Variants in TTC12 observed in about 807,000 individuals in gnomAD.
TTC12 encodes the protein tetratricopeptide repeat protein 12.
Under a neutral mutation model 90.1 loss-of-function variants are expected in TTC12, and 70 were observed. The ratio of observed to expected loss-of-function variants is 0.78; its 90% CI spans 0.64 to 0.95. The LOEUF is 0.95. Among genes scored for constraint, TTC12 ranks in the 40% least tolerant of loss-of-function variants. TTC12 has a pLI of 0.00. For synonymous variants in TTC12, 296 were observed against 311.5 expected (o/e 0.95, Z 0.53); for missense variants, 819 against 846.1 (o/e 0.97, Z 0.40).
chr11:113,359,077 C>A (rs1949776812), intron 16 of TTC12, among the ~76,000 whole-genome samples: 1 of 151,836 alleles, frequency 6.6e-6, no homozygotes, highest in Non-Finnish European at 1.5e-5. Flanking sequence ...AAGGATTTTT[C>A]TGGTGGAGTT....
At chr11:113,356,187 T>A (rs1167073818) in intron 16 of TTC12, among the ~76,000 whole-genome samples, 1 of 152,242 alleles carries the variant, frequency 6.6e-6, no homozygotes, top group East Asian at 1.9e-4. Flanking sequence ...TTTACCAATA[T>A]GTGTAATCCC....
intron 2 of TTC12, among the ~76,000 whole-genome samples, chr11:113,322,219 A>G (rs1947380768): frequency 6.6e-6 from 1 of 152,224 alleles, no homozygotes; most frequent in African/African-American, 2.4e-5. Flanking sequence ...TAAGAAGTTT[A>G]ATTGTGAAGG....
At chr11:113,333,914 T>A (rs1948203826) in intron 7 of TTC12, among the ~76,000 whole-genome samples, 1 of 152,224 alleles carries the variant, frequency 6.6e-6, no homozygotes, top group Non-Finnish European at 1.5e-5. Flanking sequence ...GCTGCTGATA[T>A]AACTGCAGCA....
At position 113,325,821 on chromosome 11, in the gene TTC12, A is replaced by G. The variant is rs1239124396; in HGVS notation, c.444+176A>G. The G allele has an allele frequency of 8.2e-6, 6 of 734,852 alleles. No homozygotes were observed. The African/African-American group carries it at 8.9e-5, about 11-fold the overall frequency. 45.5% of individuals were successfully genotyped at this position (734,852 alleles called of 1,614,324 possible). On this transcript the variant is annotated intron_variant, in intron 6 of 21. Coordinates refer to ENST00000529221, the MANE Select transcript of TTC12 (RefSeq NM_017868.4). ...AGCATTTACCAGTTTCCATGATGCA[A>G]ATATTCTCACCATGATCTAATTTGG...
chr11:113,373,222 C>T lies in TTC12; in HGVS notation c.*219C>T, dbSNP rs564580108. 5.2e-5 allele frequency: 51 copies of T among 985,338 alleles called. 2 individuals are homozygous for T. In the South Asian group the frequency reaches 1.8e-3, roughly 35 times the overall value. The allele number at this position is 985,338 out of a possible 1,614,324, so 61.0% of individuals were successfully genotyped here. ...CACATGCAACTGTCCCCAACCCATGCGATTCATCCTTTCCCTGAAGGCTTG... is the reference window on the plus strand; with the variant it reads ...CACATGCAACTGTCCCCAACCCATGTGATTCATCCTTTCCCTGAAGGCTTG... On this transcript the variant is annotated 3_prime_UTR_variant, in exon 22 of 22. Coordinates refer to the TTC12 transcript ENST00000314756.
rs760480850 is a variant in TTC12 at position 113,364,915 on chromosome 11, A to C, written c.1897A>C (p.Met633Leu). 2.7e-5 allele frequency: 44 copies of C among 1,614,156 alleles called. 2 individuals carry two copies. The South Asian group carries it at 4.5e-4, about 17-fold the overall frequency. ...CGCTGCCCTCTGCCTTGGTAACTGCATGGAGGTGCCCAACGTTGCGTCTTC... is the reference window on the plus strand; with the variant it reads ...CGCTGCCCTCTGCCTTGGTAACTGCCTGGAGGTGCCCAACGTTGCGTCTTC... The part of the protein sequence containing the change: ...GNAALCLGNC[M>L]EVPNVASSLL... The change falls in exon 21 of 22, where the codon ATG becomes CTG. Residue 633 changes from methionine to leucine, a missense_variant. By Grantham distance (15) the Met-to-Leu change is conservative. Coordinates refer to ENST00000529221, the MANE Select transcript of TTC12 (RefSeq NM_017868.4).
rs112085880 is a variant in TTC12 at position 113,338,894 on chromosome 11, T to C, written c.637+60T>C. 9.7e-4 allele frequency: 1,438 copies of C among 1,485,836 alleles called. 11 individuals carry two copies. The African/African-American group carries it at 0.017, about 18-fold the overall frequency. The allele number at this position is 1,485,836 out of a possible 1,614,324, so 92.0% of individuals were successfully genotyped here. On this transcript the variant is annotated intron_variant, in intron 9 of 21. Coordinates refer to ENST00000529221, the MANE Select transcript of TTC12 (RefSeq NM_017868.4). ...CTCCACCTCCCTCTGCCCCCTGCCT[T>C]AGAATGCCTTCCGTGCTTTCACTGC...
At chr11:113,327,469 T>C (rs782615178) in intron 6 of TTC12, among the ~76,000 whole-genome samples, 22 of 152,190 alleles carry the variant, frequency 1.4e-4, no homozygotes, top group Non-Finnish European at 2.6e-4. Flanking sequence ...TAACCTTTCA[T>C]TGCTTTGTTT....
At chr11:113,322,739 G>C (rs1382558767) in intron 2 of TTC12, among the ~76,000 whole-genome samples, 1 of 152,196 alleles carries the variant, frequency 6.6e-6, no homozygotes, top group Non-Finnish European at 1.5e-5. Context: ...ATTATGTAGA[G>C]CTGGAATTTT....
chr11:113,325,499 AC>A lies in TTC12; in HGVS notation c.323-23del, dbSNP rs138057017. 1,385 of 1,613,060 alleles carry A rather than the reference AC, an allele frequency of 8.6e-4. 10 individuals carry two copies. In the African/African-American group the frequency reaches 0.015, roughly 18 times the overall value. Reference sequence around the variant, plus strand: ...ATTTTCTGATGTGTGGTGAGAGCTCACCTGTGTAACTTATATTCCCATAGCC... The same window carrying A: ...ATTTTCTGATGTGTGGTGAGAGCTCACTGTGTAACTTATATTCCCATAGCC... On this transcript the variant is annotated intron_variant, in intron 5 of 21. Transcript: ENST00000529221.
intron 2 of TTC12, among the ~76,000 whole-genome samples, 167 bp from the exon 3 acceptor site, chr11:113,323,121 A>AC (rs34373681): frequency 2.0e-5 from 3 of 150,558 alleles, no homozygotes; most frequent in Non-Finnish European, 4.4e-5. Context: ...AAAAAAAAAA[A>AC]CCTGTTGTTA....
chr11:113,331,762 G>A (rs981286731), intron 7 of TTC12, among the ~76,000 whole-genome samples: 2 of 152,186 alleles, frequency 1.3e-5, no homozygotes, highest in Admixed American at 6.5e-5. Flanking sequence ...CGGTGAAACC[G>A]AGGCCAAGCA....
chr11:113,341,898 C>T lies in TTC12; in HGVS notation c.958C>T (p.Leu320Phe), dbSNP rs782779658. ...EEMVCVSVLK[L>F]WQAVCSRNEE... ...AATGGTCTGTGTGTCTGTTCTCAAG[C>T]TCTGGCAAGCAGTGTGCAGCAGGAA... Residue 320 changes from leucine to phenylalanine, a missense_variant, in exon 12 of 22, where the codon CTC becomes TTC. Physicochemically the swap from Leu to Phe is conservative, Grantham distance 22. Transcript: ENST00000529221. The T allele has an allele frequency of 1.2e-6, 2 of 1,614,182 alleles. No individual in the cohort carries two copies. Among genetic ancestry groups the T allele is most frequent in the East Asian group, 4.5e-5 (2 of 44,884 alleles).
intron 21 of TTC12, among the ~76,000 whole-genome samples, chr11:113,372,912 C>G (rs1176973405): frequency 6.6e-6 from 1 of 152,164 alleles, no homozygotes; most frequent in African/African-American, 2.4e-5. Flanking sequence ...CATACCATCT[C>G]TCCTCTTAGG....
intron 7 of TTC12, among the ~76,000 whole-genome samples, chr11:113,333,834 ATTC>A (rs1948199183): frequency 6.6e-6 from 1 of 152,072 alleles, no homozygotes; most frequent in Admixed American, 6.6e-5. Context: ...TATTGTTGTT[ATTC>A]TTCTCTCTTT....
At chr11:113,344,156 A>T in intron 12 of TTC12, 116 bp from the exon 13 acceptor site, 1 of 1,189,630 alleles carries the variant, frequency 8.4e-7, no homozygotes, top group Non-Finnish European at 1.2e-6. Flanking sequence ...ACACTTCATT[A>T]TTCTGCCTTC....
At chr11:113,328,442 C>T (rs1591535072) in intron 6 of TTC12, among the ~76,000 whole-genome samples, 1 of 152,100 alleles carries the variant, frequency 6.6e-6, no homozygotes, top group Non-Finnish European at 1.5e-5. Context: ...TGAGTCAATT[C>T]TTGATTTTCA....
chr11:113,329,292 T>G (rs1412073568), intron 6 of TTC12, among the ~76,000 whole-genome samples: 1 of 152,156 alleles, frequency 6.6e-6, no homozygotes, highest in East Asian at 1.9e-4. Flanking sequence ...CCCTTTATCA[T>G]TTGGTGTTTT....
At chr11:113,342,035 G>C in intron 12 of TTC12, 110 bp downstream of exon 12, 1 of 912,378 alleles carries the variant, frequency 1.1e-6, no homozygotes, top group East Asian at 2.5e-5. Flanking sequence ...CTGATGTCTA[G>C]ACTTCCGCAC....
Sources: allele counts gnomAD v4.1 joint callset (sites outside exome capture counted in the v4.1 genomes callset), GRCh38; gene constraint gnomAD v4.1.1; transcripts MANE v1.5; gene names NCBI Gene and HGNC (gene_info 2026-07-23, HGNC 2026-07-21).